The following PTPRK variants were observed in gnomAD, a reference collection of about 807,000 sequenced individuals.
PTPRK encodes the protein receptor-type tyrosine-protein phosphatase kappa.
PTPRK carries 75 observed loss-of-function variants against 178.0 expected under a neutral mutation model. That is an observed-to-expected ratio of 0.42 (90% CI 0.35 to 0.51). PTPRK has a LOEUF of 0.51. Ranked by LOEUF, PTPRK falls within the 20% of genes least tolerant of loss-of-function variation. PTPRK has a pLI of 0.02. For synonymous variants in PTPRK, 637 were observed against 620.6 expected (o/e 1.03, Z -0.39); for missense variants, 1,441 against 1,797.8 (o/e 0.80, Z 3.59).
intron 6 of PTPRK, among the ~76,000 whole-genome samples, chr6:128,215,174 G>A (rs765578741): frequency 4.6e-5 from 7 of 152,196 alleles, no homozygotes; most frequent in Non-Finnish European, 7.4e-5. Context: ...AATAGAAATT[G>A]AGTGTGAGGT....
intron 1 of PTPRK, among the ~76,000 whole-genome samples, chr6:128,413,458 A>T (rs1842520940): frequency 6.6e-6 from 1 of 152,144 alleles, no homozygotes; most frequent in African/African-American, 2.4e-5. Context: ...TCCACCCAGT[A>T]TAGGAATGTC....
At chr6:128,514,012 C>T (rs554816750) in intron 1 of PTPRK, among the ~76,000 whole-genome samples, 19 of 152,242 alleles carry the variant, frequency 1.2e-4, no homozygotes, top group South Asian at 2.1e-4. Context: ...CTATCCAACA[C>T]GGATTAAGGG....
chr6:128,518,321 G>A (rs1858399605), intron 1 of PTPRK, among the ~76,000 whole-genome samples: 1 of 152,132 alleles, frequency 6.6e-6, no homozygotes, highest in Non-Finnish European at 1.5e-5. Flanking sequence ...ATTGTTTATT[G>A]TACGTATCTA....
At chr6:128,085,772 T>C (rs1785680923) in intron 8 of PTPRK, among the ~76,000 whole-genome samples, 1 of 152,194 alleles carries the variant, frequency 6.6e-6, no homozygotes, top group Non-Finnish European at 1.5e-5. Context: ...TAGATTGCAT[T>C]TGTAAGACAA....
intron 3 of PTPRK, among the ~76,000 whole-genome samples, chr6:128,277,218 T>C (rs192968106): frequency 6.6e-6 from 1 of 152,236 alleles, no homozygotes; most frequent in East Asian, 1.9e-4. Flanking sequence ...AACTTGGAGC[T>C]AAGCTTATAA....
chr6:128,285,921 C>T (rs1275814483), intron 3 of PTPRK, among the ~76,000 whole-genome samples: 1 of 152,156 alleles, frequency 6.6e-6, no homozygotes, highest in Non-Finnish European at 1.5e-5. Flanking sequence ...GAAAGTTCTA[C>T]TTAATCTTAT....
chr6:128,352,253 CA>C (rs10665459), intron 2 of PTPRK, among the ~76,000 whole-genome samples: 3 of 94,960 alleles, frequency 3.2e-5, no homozygotes, highest in Admixed American at 1.2e-4. Context: ...GACTTCATCT[CA>C]AAAAAAAAAA....
intron 4 of PTPRK, chr6:128,241,098 A>G: frequency 2.6e-6 from 1 of 391,176 alleles, no homozygotes; most frequent in South Asian, 2.0e-5. Context: ...GATTGAAAGA[A>G]CTTAGTAAGG....
At chr6:128,369,901 T>C (rs1347220892) in intron 2 of PTPRK, among the ~76,000 whole-genome samples, 1 of 151,982 alleles carries the variant, frequency 6.6e-6, no homozygotes, top group East Asian at 1.9e-4. Flanking sequence ...AAGCAGACAG[T>C]CTTGTAAGAG....
chr6:128,219,649 A>C (rs181964568), intron 5 of PTPRK, among the ~76,000 whole-genome samples: 138 of 152,344 alleles, frequency 9.1e-4, no homozygotes, highest in African/African-American at 3.2e-3. Context: ...TCAGTTCTCC[A>C]TAAATTGCTA....
At position 128,397,560 on chromosome 6, in the gene PTPRK, T is replaced by A; in HGVS notation, c.223+6A>T. 1 of 1,613,892 alleles carries A rather than the reference T, an allele frequency of 6.2e-7. No individual in the cohort carries two copies. The highest frequency in any genetic ancestry group is 8.5e-7 in the Non-Finnish European group (1 of 1,179,888). On this transcript the variant is annotated splice_donor_region_variant and intron_variant, in intron 2 of 29. Coordinates refer to ENST00000368226, the MANE Select transcript of PTPRK (RefSeq NM_002844.4). ...CCCAACACTGACTAAACAGAGTGAC[T>A]CTCACCTTGGGGCATCTCGGGTGGT...
intron 3 of PTPRK, among the ~76,000 whole-genome samples, chr6:128,275,494 T>C (rs1037484005): frequency 2.0e-5 from 3 of 152,048 alleles, no homozygotes; most frequent in Non-Finnish European, 4.4e-5. Flanking sequence ...GGGGTCTATT[T>C]GGCTCTAAAG....
intron 2 of PTPRK, among the ~76,000 whole-genome samples, chr6:128,341,487 T>C (rs1249189706): frequency 6.6e-6 from 1 of 152,204 alleles, no homozygotes; most frequent in African/African-American, 2.4e-5. Context: ...AATAAAATTA[T>C]GTGTACACAG....
chr6:128,242,697 A>G, intron 3 of PTPRK, 95 bp from the exon 4 acceptor site: 4 of 1,468,554 alleles, frequency 2.7e-6, no homozygotes, highest in Non-Finnish European at 3.6e-6. Context: ...AGTAAATCTA[A>G]TTTTTGTTCA....
chr6:128,139,623 A>G (rs966587501), intron 7 of PTPRK, among the ~76,000 whole-genome samples: 20 of 151,998 alleles, frequency 1.3e-4, no homozygotes, highest in African/African-American at 4.8e-4. Context: ...TCTCTCCATC[A>G]ATCTCTGCCT....
intron 2 of PTPRK, among the ~76,000 whole-genome samples, chr6:128,366,185 A>G (rs1011373566): frequency 2.6e-5 from 4 of 152,136 alleles, no homozygotes; most frequent in Admixed American, 6.6e-5. Flanking sequence ...GTACTATGCC[A>G]CTCTAACTAG....
intron 13 of PTPRK, among the ~76,000 whole-genome samples, chr6:128,050,186 A>G (rs1223238846): frequency 6.6e-6 from 1 of 152,170 alleles, no homozygotes; most frequent in African/African-American, 2.4e-5. Context: ...AATCTCAAAC[A>G]GTATTTTTTC....
At chr6:128,084,530 A>G (rs1455807591) in intron 8 of PTPRK, among the ~76,000 whole-genome samples, 1 of 152,190 alleles carries the variant, frequency 6.6e-6, no homozygotes, top group Non-Finnish European at 1.5e-5. Context: ...TTAGAACTCA[A>G]CGATCTGCAC....
chr6:128,063,271 T>C (rs951819026), intron 13 of PTPRK, among the ~76,000 whole-genome samples: 4 of 152,194 alleles, frequency 2.6e-5, no homozygotes, highest in Non-Finnish European at 5.9e-5. Flanking sequence ...ATGGTAAGAC[T>C]GTTTCCAGGA....
Sources: gnomAD v4.1 joint callset for allele counts (sites outside exome capture counted in the v4.1 genomes callset) on GRCh38, gnomAD v4.1.1 for gene constraint, MANE v1.5 for transcripts, NCBI Gene and HGNC (gene_info 2026-07-23, HGNC 2026-07-21) for gene names.